Variants in PLSCR4 observed in about 807,000 individuals in gnomAD.
PLSCR4 encodes the protein Ca(2+)-dependent phospholipid scramblase 4.
In PLSCR4, 25 loss-of-function variants were observed where a neutral mutation model predicts 36.3. The ratio of observed to expected loss-of-function variants is 0.69; its 90% CI spans 0.50 to 0.96. The LOEUF (loss-of-function observed/expected upper bound fraction) is 0.96. PLSCR4 is among the 40% of genes least tolerant of loss of function. The probability of loss-of-function intolerance (pLI) is 0.00; values close to 1 mark genes in which losing one functional copy is unlikely to be tolerated. For missense variants in PLSCR4, 408 were observed against 414.7 expected (o/e 0.98, Z 0.14); for synonymous variants, 122 against 132.9 (o/e 0.92, Z 0.56).
At chr3:146,200,505 G>T (rs1355919982) in intron 5 of PLSCR4, among the ~76,000 whole-genome samples, 1 of 152,080 alleles carries the variant, frequency 6.6e-6, no homozygotes, top group Non-Finnish European at 1.5e-5. Flanking sequence ...AGCTGGTTTA[G>T]TGAGGGTCAG....
Position 146,233,992 on chromosome 3 carries a change from C to T in PLSCR4, c.-21-11900G>A, listed in dbSNP as rs906871826. ...AAATATAGTTCGAAGAGAAATTACC[C>T]ATGAACTAAAAAACCCAAAAAACAT... is the stretch of plus-strand genomic sequence containing the variant. On this transcript the variant is annotated intron_variant, in intron 1 of 8. Transcript: ENST00000354952. Among the ~76,000 whole-genome samples, 25 of 151,480 alleles carry T rather than the reference C, an allele frequency of 1.7e-4. 1 individual carries two copies. Among genetic ancestry groups the T allele is most frequent in the African/African-American group, 6.1e-4 (25 of 41,194 alleles).
chr3:146,244,542 G>A (rs2036271084), intron 1 of PLSCR4, among the ~76,000 whole-genome samples: 1 of 151,964 alleles, frequency 6.6e-6, no homozygotes, highest in African/African-American at 2.4e-5. Context: ...ATCTGTTATG[G>A]TGATCTATGA....
rs570040445 is a variant in PLSCR4, at chr3:146,200,712, C to G, written c.397+323G>C. 9.2e-5 allele frequency among the ~76,000 whole-genome samples: 14 copies of G among 152,138 alleles called. No homozygotes were observed. In the South Asian group the frequency reaches 2.7e-3, roughly 29 times the overall value. On this transcript the variant is annotated intron_variant, in intron 5 of 8. Coordinates refer to ENST00000354952, the MANE Select transcript of PLSCR4 (RefSeq NM_020353.3). The stretch of plus-strand genomic sequence containing the variant: ...AGCTGACTGTGGTGTCCCTGGCTAA[C>G]TCATTTAGTCTCTTGGCTCCTTTTT...
At chr3:146,199,410 G>A (rs891782660) in intron 6 of PLSCR4, among the ~76,000 whole-genome samples, 19 of 152,056 alleles carry the variant, frequency 1.2e-4, no homozygotes, top group African/African-American at 9.7e-5. Context: ...CAAGGTATGC[G>A]TTGTGATGGG....
At chr3:146,227,676 G>A (rs1351881685) in intron 1 of PLSCR4, among the ~76,000 whole-genome samples, 1 of 152,176 alleles carries the variant, frequency 6.6e-6, no homozygotes, top group Admixed American at 6.5e-5. Context: ...GAGGCTCTGG[G>A]CAGTGAGAAT....
chr3:146,247,255 G>A (rs2036374424), intron 1 of PLSCR4, among the ~76,000 whole-genome samples: 1 of 152,112 alleles, frequency 6.6e-6, no homozygotes, highest in Non-Finnish European at 1.5e-5. Context: ...AAGCAGAACT[G>A]ATGGATCAAA....
chr3:146,250,559 G>A (rs1418349980), intron 1 of PLSCR4: 2 of 152,098 alleles, frequency 1.3e-5, no homozygotes, highest in East Asian at 3.9e-4. Flanking sequence ...GTTTTTACCT[G>A]CGAGTGGCCT....
chr3:146,201,124 A>G, intron 4 of PLSCR4, 47 bp from the exon 5 acceptor site: 1 of 1,130,658 alleles, frequency 8.8e-7, no homozygotes, highest in Non-Finnish European at 1.3e-6. Context: ...TAACAGAACT[A>G]AAATACCACT....
In PLSCR4 at chr3:146,217,011, T is replaced by A. The variant is rs539342785; in HGVS notation, c.118+3804A>T. ...ACTATCTGAAAACAAGGCCATGAGA[T>A]AAATCAAAGATTCTTTTATCTATGA... On this transcript the variant is annotated intron_variant, in intron 3 of 8. Transcript: ENST00000354952. Among the ~76,000 whole-genome samples the A allele has an allele frequency of 6.4e-4, 97 of 152,218 alleles. 1 individual carries two copies. The highest frequency in any genetic ancestry group is 2.3e-3 in the African/African-American group (94 of 41,534).
At chr3:146,247,295 A>G (rs1486822729) in intron 1 of PLSCR4, among the ~76,000 whole-genome samples, 1 of 152,172 alleles carries the variant, frequency 6.6e-6, no homozygotes, top group African/African-American at 2.4e-5. Flanking sequence ...ATACTATCAA[A>G]CTGCACTCTA....
intron 3 of PLSCR4, among the ~76,000 whole-genome samples, chr3:146,208,547 G>A (rs894408099): frequency 2.6e-5 from 4 of 152,084 alleles, no homozygotes; most frequent in East Asian, 1.9e-4. Context: ...AATCTGTAAC[G>A]AACTCAAACA....
intron 1 of PLSCR4, among the ~76,000 whole-genome samples, chr3:146,241,828 T>G (rs751295670): frequency 6.6e-6 from 1 of 152,226 alleles, no homozygotes; most frequent in Non-Finnish European, 1.5e-5. Context: ...CCGACCATAA[T>G]GTAATGAGCT....
At chr3:146,216,336 T>C (rs35893376) in intron 3 of PLSCR4, among the ~76,000 whole-genome samples, 1 of 152,044 alleles carries the variant, frequency 6.6e-6, no homozygotes, top group African/African-American at 2.4e-5. Context: ...TGTGATAAGG[T>C]GGAGATTATG....
chr3:146,235,569 C>A (rs1323968425), intron 1 of PLSCR4, among the ~76,000 whole-genome samples: 1 of 151,990 alleles, frequency 6.6e-6, no homozygotes, highest in Admixed American at 6.6e-5. Flanking sequence ...TGGACTAATA[C>A]AGAAAATGGG....
chr3:146,207,300 C>T (rs1018678655), intron 3 of PLSCR4, among the ~76,000 whole-genome samples: 1 of 152,102 alleles, frequency 6.6e-6, no homozygotes, highest in South Asian at 2.1e-4. Context: ...TCATCGAGTT[C>T]TCAGACTGGT....
chr3:146,201,160 T>C (rs62272383), intron 4 of PLSCR4, 83 bp from the exon 5 acceptor site: 71,822 of 807,908 alleles, frequency 0.089, 3,760 homozygotes, highest in Middle Eastern at 0.12. Flanking sequence ...GAAATAGATA[T>C]TAAAATGCAT....
At chr3:146,212,379 C>T (rs1399164697) in intron 3 of PLSCR4, among the ~76,000 whole-genome samples, 1 of 149,662 alleles carries the variant, frequency 6.7e-6, no homozygotes, top group Non-Finnish European at 1.5e-5. Flanking sequence ...TATATCCTAA[C>T]ACACTGCTGA....
At chr3:146,213,017 A>G (rs1207107675) in intron 3 of PLSCR4, among the ~76,000 whole-genome samples, 6 of 152,118 alleles carry the variant, frequency 3.9e-5, no homozygotes, top group Non-Finnish European at 7.4e-5. Context: ...ACATACATTG[A>G]TGTGTTTTAA....
intron 1 of PLSCR4, among the ~76,000 whole-genome samples, chr3:146,224,107 T>C (rs1197334599): frequency 1.3e-5 from 2 of 152,074 alleles, no homozygotes; most frequent in Admixed American, 6.6e-5. Context: ...TCTAGAAATT[T>C]AGACACTCCT....
Sources: allele counts gnomAD v4.1 joint callset (sites outside exome capture counted in the v4.1 genomes callset), GRCh38; gene constraint gnomAD v4.1.1; transcripts MANE v1.5; gene names NCBI Gene and HGNC (gene_info 2026-07-23, HGNC 2026-07-21).